The following ARID1A variants were observed in gnomAD, a reference collection of about 807,000 sequenced individuals.
ARID1A encodes AT-rich interactive domain-containing protein 1A.
Under a neutral mutation model 212.6 loss-of-function variants are expected in ARID1A, and 20 were observed. That is an observed-to-expected ratio of 0.09 (90% CI 0.07 to 0.14). The LOEUF is 0.14. ARID1A is among the 10% of genes least tolerant of loss of function. The pLI is 1.00. For missense variants in ARID1A, 2,587 were observed against 3,059.0 expected (o/e 0.85, Z 3.64); for synonymous variants, 1,376 against 1,222.1 (o/e 1.13, Z -2.63).
intron 11 of ARID1A, 162 bp from the exon 12 acceptor site, chr1:26,770,957 C>A: frequency 1.6e-6 from 1 of 638,222 alleles, no homozygotes; most frequent in African/African-American, 1.8e-5. Context: ...GCAGATTTAA[C>A]ACTTCTTGTG....
chr1:26,778,224 A>G (rs1437387311), intron 19 of ARID1A: 2 of 151,358 alleles, frequency 1.3e-5, no homozygotes, highest in Admixed American at 1.3e-4. Context: ...AGATCACACC[A>G]CTGTACTCCA....
chr1:26,773,516 CT>C lies in ARID1A; in HGVS notation c.3866+21del. On this transcript the variant is annotated intron_variant, in intron 15 of 19. Coordinates refer to ENST00000324856, the MANE Select transcript of ARID1A (RefSeq NM_006015.6). ...AGTGAGGTAAGCATGACCCCAGCTC[CT>C]GTCCACTCCCCCAGCACCCTGAAGC... 1 of 1,613,176 alleles carries C rather than the reference CT, an allele frequency of 6.2e-7. No homozygotes were observed. Among genetic ancestry groups the C allele is most frequent in the Non-Finnish European group, 8.5e-7 (1 of 1,179,278 alleles).
At chr1:26,731,916 C>T (rs555464669) in intron 3 of ARID1A, among the ~76,000 whole-genome samples, 1 of 152,134 alleles carries the variant, frequency 6.6e-6, no homozygotes, top group East Asian at 1.9e-4. Context: ...TGTAAATCAA[C>T]ATCAGAACTT....
chr1:26,771,607 C>A lies in ARID1A; in HGVS notation c.3406+281C>A, dbSNP rs917697456. 2.4e-5 allele frequency: 11 copies of A among 462,404 alleles called. No homozygotes were observed. In the Admixed American group the frequency reaches 3.0e-4, roughly 12 times the overall value. The allele number at this position is 462,404 out of a possible 1,614,324, so 28.6% of individuals were successfully genotyped here. A position where few individuals can be genotyped will look rare whatever the true frequency, so the allele number is the denominator to read the frequency against. ...TGAATGGGAGGGGCACAAGAGGAGT[C>A]GGTGGAACTTATAAATGGCAGCAAG... On this transcript the variant is annotated intron_variant, in intron 12 of 19. Transcript: ENST00000324856. The surrounding 1 kb of genome is among the most constrained non-coding windows in gnomAD (Gnocchi z 5.4).
chr1:26,697,591 G>C, intron 1 of ARID1A, 51 bp downstream of exon 1: 1 of 1,278,394 alleles, frequency 7.8e-7, no homozygotes, highest in Non-Finnish European at 9.9e-7. Context: ...CCTGGGGGTG[G>C]GTGGCGGCTG....
intron 1 of ARID1A, among the ~76,000 whole-genome samples, chr1:26,706,867 T>C (rs927034765): frequency 2.6e-5 from 4 of 152,242 alleles, no homozygotes; most frequent in Non-Finnish European, 4.4e-5. Flanking sequence ...TGTGAAACTC[T>C]TGGTAATTTA....
chr1:26,726,416 C>CCA (rs1314994242), intron 1 of ARID1A, among the ~76,000 whole-genome samples: 1 of 151,972 alleles, frequency 6.6e-6, no homozygotes, highest in Non-Finnish European at 1.5e-5. Flanking sequence ...CTCAAGTGAT[C>CCA]CACCTGCCTT....
At chr1:26,737,594 G>T (rs1318093549) in intron 4 of ARID1A, among the ~76,000 whole-genome samples, 1 of 152,142 alleles carries the variant, frequency 6.6e-6, no homozygotes. Context: ...GCCCGAGCAC[G>T]GTGCCTCACG....
intron 1 of ARID1A, among the ~76,000 whole-genome samples, chr1:26,714,962 CA>C (rs1210139558): frequency 6.6e-6 from 1 of 152,190 alleles, no homozygotes; most frequent in Non-Finnish European, 1.5e-5. Context: ...TCCCAGACTG[CA>C]TGTAACTTCA....
chr1:26,700,204 A>G (rs1483062779), intron 1 of ARID1A, among the ~76,000 whole-genome samples: 2 of 152,310 alleles, frequency 1.3e-5, no homozygotes, highest in African/African-American at 2.4e-5. Flanking sequence ...TCTCTTTGCT[A>G]CTTGATAAAC....
At chr1:26,732,530 A>G (rs929052297) in intron 3 of ARID1A, 146 bp from the exon 4 acceptor site, 19 of 587,552 alleles carry the variant, frequency 3.2e-5, no homozygotes, top group South Asian at 8.5e-5. Context: ...CACAGCTTGG[A>G]TTTTTCTGGC....
Position 26,773,662 on chromosome 1 carries a change from G to A in ARID1A, c.3949G>A (p.Gly1317Arg), listed in dbSNP as rs771094321. 3 of 1,614,128 alleles carry A rather than the reference G, an allele frequency of 1.9e-6. No homozygotes were observed. Among genetic ancestry groups the A allele is most frequent in the South Asian group, 1.1e-5 (1 of 91,074 alleles). ...TCTCATGCCTTCCAACCCAGACTCG[G>A]GGATGTATTCTCCTAGCCGCTACCC... ...PNLMPSNPDS[G>R]MYSPSRYPPQ... is the part of the protein sequence containing the mutation. Residue 1317 changes from glycine (G) to arginine (R), a missense_variant, in exon 16 of 20, where the codon GGG becomes AGG. Gly to Arg is a moderately radical substitution (Grantham distance 125). Around this residue, in one of 11 missense-constraint regions of ARID1A, gnomAD observed 890 missense variants for 1,098.2 expected, o/e 0.81. Coordinates refer to ENST00000324856, the MANE Select transcript of ARID1A (RefSeq NM_006015.6).
chr1:26,722,402 T>C (rs564657264), intron 1 of ARID1A, among the ~76,000 whole-genome samples: 1 of 152,170 alleles, frequency 6.6e-6, no homozygotes, highest in Admixed American at 6.5e-5. Context: ...CGTGCCACCA[T>C]GCCAGGCTAA....
intron 16 of ARID1A, 25 bp from the exon 17 acceptor site, chr1:26,773,777 T>C (rs1441181104): frequency 6.2e-7 from 1 of 1,614,038 alleles, no homozygotes; most frequent in African/African-American, 1.3e-5. Flanking sequence ...CCCACCCTAA[T>C]CCTGTGTTTC....
intron 1 of ARID1A, among the ~76,000 whole-genome samples, chr1:26,718,171 C>A (rs2080522130): frequency 6.6e-6 from 1 of 152,168 alleles, no homozygotes; most frequent in African/African-American, 2.4e-5. Context: ...GACGCGGTTT[C>A]TCCATGTTGG....
chr1:26,763,764 C>T (rs1025594670), intron 8 of ARID1A, among the ~76,000 whole-genome samples: 35 of 151,820 alleles, frequency 2.3e-4, no homozygotes, highest in African/African-American at 7.5e-4. Flanking sequence ...GCGAGACTGT[C>T]GAAAAAAGGG....
rs2124059359 is a variant in ARID1A, at chr1:26,761,406, A to C, written c.2184A>C (p.Pro728=). ...CAGGCAACCAGATGCCACCTCGGCCACCCAGTGGCCAGTCGGACAGCATCA... is the reference window on the plus strand; with the variant it reads ...CAGGCAACCAGATGCCACCTCGGCCCCCCAGTGGCCAGTCGGACAGCATCA... ...AVPGNQMPPR[P]PSGQSDSIMH... Residue 728 remains proline (P), a synonymous_variant, in exon 6 of 20, where the codon CCA becomes CCC. Transcript: ENST00000324856. 6.2e-7 allele frequency: 1 copy of C among 1,614,200 alleles called. No homozygotes were observed. The highest frequency in any genetic ancestry group is 8.5e-7 in the Non-Finnish European group (1 of 1,180,034).
rs1340620693 is a variant in ARID1A, at chr1:26,771,759, T to C, written c.3406+433T>C. The C allele has an allele frequency of 4.0e-5, 8 of 201,104 alleles. No individual in the cohort carries two copies. Among genetic ancestry groups the C allele is most frequent in the Admixed American group, 2.7e-4 (5 of 18,432 alleles). The allele number at this position is 201,104 out of a possible 1,614,324, so 12.5% of individuals were successfully genotyped here. ...GGAAGGAGGGAGTGGGGAAGGGTTA[T>C]GAATGGAACTCCCTGATGGGAGTGG... is the stretch of plus-strand genomic sequence containing the variant. On this transcript the variant is annotated intron_variant, in intron 12 of 19. Transcript: ENST00000324856. This position sits in a 1 kb window ranked among gnomAD's most constrained non-coding sequence, Gnocchi z 5.4.
chr1:26,778,927 C>A, intron 19 of ARID1A, 96 bp from the exon 20 acceptor site: 2 of 1,256,366 alleles, frequency 1.6e-6, no homozygotes, highest in Non-Finnish European at 1.1e-6. Context: ...CCTCTCCCAA[C>A]TGATACAGAA....
Sources: allele counts gnomAD v4.1 joint callset (sites outside exome capture counted in the v4.1 genomes callset), GRCh38; gene constraint gnomAD v4.1.1; regional missense constraint gnomAD v4.1.1; non-coding constraint Gnocchi (gnomAD v3.1); transcripts MANE v1.5; gene names NCBI Gene and HGNC (gene_info 2026-07-23, HGNC 2026-07-21).